PLEKHA6: variants seen among roughly 807,000 people sequenced by gnomAD.
PLEKHA6 encodes the protein pleckstrin homology domain containing A6.
PLEKHA6 carries 60 observed loss-of-function variants against 116.7 expected under a neutral mutation model. That is an observed-to-expected ratio of 0.51 (90% CI 0.42 to 0.64). The LOEUF is 0.64. Ranked by LOEUF, PLEKHA6 falls within the 30% of genes least tolerant of loss-of-function variation. PLEKHA6 has a pLI of 0.00. For synonymous variants in PLEKHA6, 489 were observed against 556.1 expected, an observed-to-expected ratio of 0.88 and a Z score of 1.70; for missense variants, 1,338 against 1,422.7, an observed-to-expected ratio of 0.94 and a Z score of 0.96.
chr1:204,348,556 C>T (rs985802845), intron 1 of PLEKHA6, among the ~76,000 whole-genome samples: 6 of 152,194 alleles, frequency 3.9e-5, no homozygotes, highest in South Asian at 2.1e-4. Context: ...TGGAACCGAG[C>T]AGTGTGGATT....
At position 204,228,191 on chromosome 1, in the gene PLEKHA6, C is replaced by T. The variant is rs781775382; in HGVS notation, c.2923G>A (p.Val975Met). ...CTCTCTGAGTCCTGGGGCACGTCCA[C>T]AGAGTCCCCCTCGCCGATGGGCACC... ...NVVPIGEGDS[V>M]DVPQDSESQL... Residue 975 changes from valine (V) to methionine (M), a missense_variant, in exon 21 of 23, where the codon GTG becomes ATG. Around this residue, in one of 3 missense-constraint regions of PLEKHA6, gnomAD observed 1,136 missense variants for 1,163.6 expected, o/e 0.98. Coordinates refer to ENST00000272203, the MANE Select transcript of PLEKHA6 (RefSeq NM_014935.5). The surrounding 1 kb of genome is among the most constrained non-coding windows in gnomAD (Gnocchi z 4.0). 9 of 1,611,546 alleles carry T rather than the reference C, an allele frequency of 5.6e-6. No individual in the cohort carries two copies. Among genetic ancestry groups the T allele is most frequent in the Non-Finnish European group, 7.6e-6 (9 of 1,178,372 alleles).
chr1:204,306,202 C>T (rs1671286841), intron 1 of PLEKHA6, among the ~76,000 whole-genome samples: 1 of 152,196 alleles, frequency 6.6e-6, no homozygotes, highest in Admixed American at 6.5e-5. Flanking sequence ...CCCATTGAGT[C>T]TGGGCCACCC....
At chr1:204,287,752 A>G (rs547128650) in intron 1 of PLEKHA6, among the ~76,000 whole-genome samples, 78 of 152,270 alleles carry the variant, frequency 5.1e-4, no homozygotes, top group African/African-American at 1.9e-3. Context: ...GCTTCTGACC[A>G]GAGCTACCGA....
intron 1 of PLEKHA6, among the ~76,000 whole-genome samples, chr1:204,358,578 C>A (rs1673478915): frequency 6.6e-6 from 1 of 152,200 alleles, no homozygotes; most frequent in African/African-American, 2.4e-5. Context: ...CCTGCCCCAC[C>A]ATGCAGGAGA....
At chr1:204,230,331 G>T in intron 18 of PLEKHA6, 82 bp downstream of exon 18, 2 of 1,186,272 alleles carry the variant, frequency 1.7e-6, no homozygotes, top group Non-Finnish European at 2.3e-6. Context: ...AAACCCCCCA[G>T]GCCCAAGCTG....
In PLEKHA6 at chr1:204,306,547, T is replaced by C. The variant is rs1671327420; in HGVS notation, c.-94-31738A>G. Reference sequence around the variant, plus strand: ...AAGTGCTCCTGCCACTTGCCCCTCATAGCTTTGATCCCTTGGGTTGGTTCA... The same window carrying C: ...AAGTGCTCCTGCCACTTGCCCCTCACAGCTTTGATCCCTTGGGTTGGTTCA... On this transcript the variant is annotated intron_variant, in intron 1 of 22. Transcript: ENST00000272203. 3.3e-5 allele frequency among the ~76,000 whole-genome samples: 5 copies of C among 152,364 alleles called. 1 individual carries two copies. The South Asian group carries it at 1.0e-3, about 32-fold the overall frequency.
At chr1:204,260,093 C>T (rs546479284) in intron 7 of PLEKHA6, among the ~76,000 whole-genome samples, 4 of 152,286 alleles carry the variant, frequency 2.6e-5, no homozygotes, top group Admixed American at 2.0e-4. Flanking sequence ...GTCCTCTCTG[C>T]GATCTATCCC....
chr1:204,358,425 C>A (rs1572229060), intron 1 of PLEKHA6, among the ~76,000 whole-genome samples: 1 of 152,218 alleles, frequency 6.6e-6, no homozygotes, highest in Non-Finnish European at 1.5e-5. Context: ...CTGAACCGTC[C>A]TAGCCACAGG....
At chr1:204,349,498 G>A (rs904388093) in intron 1 of PLEKHA6, among the ~76,000 whole-genome samples, 16 of 140,602 alleles carry the variant, frequency 1.1e-4, no homozygotes, top group Non-Finnish European at 2.4e-4. Flanking sequence ...CCAAGATCAC[G>A]CCACTGCGCT....
At chr1:204,235,332 C>T (rs966032963) in intron 17 of PLEKHA6, among the ~76,000 whole-genome samples, 1 of 152,064 alleles carries the variant, frequency 6.6e-6, no homozygotes, top group Non-Finnish European at 1.5e-5. Context: ...TTAGTGACTA[C>T]ATAATACCTT....
chr1:204,285,420 G>A (rs375725280), intron 1 of PLEKHA6, among the ~76,000 whole-genome samples: 2,689 of 151,662 alleles, frequency 0.018, 79 homozygotes, highest in African/African-American at 0.061. Flanking sequence ...CATTGTTTTC[G>A]TTTTTTTGGG....
intron 14 of PLEKHA6, 23 bp downstream of exon 14, chr1:204,245,581 GGCAGCCTAGGA>G: frequency 7.7e-7 from 1 of 1,290,566 alleles, no homozygotes; most frequent in Non-Finnish European, 1.1e-6. Flanking sequence ...TGGTGAGGCA[GGCAGCCTAGGA>G]GGCTGGCACA....
chr1:204,262,241 G>A (rs966975229), intron 6 of PLEKHA6: 8 of 152,388 alleles, frequency 5.2e-5, no homozygotes, highest in Non-Finnish European at 8.8e-5. Flanking sequence ...GCTTGCACCA[G>A]GGAAATTCAG....
At chr1:204,337,417 A>C (rs1327505145) in intron 1 of PLEKHA6, among the ~76,000 whole-genome samples, 4 of 152,100 alleles carry the variant, frequency 2.6e-5, no homozygotes, top group Non-Finnish European at 4.4e-5. Flanking sequence ...ATCCTAACTC[A>C]CCCGGCGAGA....
intron 1 of PLEKHA6, among the ~76,000 whole-genome samples, chr1:204,339,454 A>T (rs562366496): frequency 3.3e-5 from 5 of 152,336 alleles, no homozygotes; most frequent in Admixed American, 3.3e-4. Flanking sequence ...TGGGGCAAGG[A>T]TCATACTCAA....
chr1:204,262,349 T>C (rs542723005), intron 6 of PLEKHA6, among the ~76,000 whole-genome samples: 65 of 152,290 alleles, frequency 4.3e-4, no homozygotes, highest in Non-Finnish European at 7.6e-4. Context: ...TTTGCTCTGG[T>C]CTTCACTGAT....
chr1:204,243,714 T>C (rs1663183220), intron 15 of PLEKHA6, among the ~76,000 whole-genome samples: 1 of 152,262 alleles, frequency 6.6e-6, no homozygotes, highest in Admixed American at 6.5e-5. Context: ...TTGAGACATA[T>C]GCCGTCATGT....
intron 1 of PLEKHA6, among the ~76,000 whole-genome samples, chr1:204,283,999 A>G (rs1668911402): frequency 1.3e-5 from 2 of 152,124 alleles, no homozygotes; most frequent in Non-Finnish European, 1.5e-5. Flanking sequence ...TGCCTGGAGG[A>G]GGGGGCACGT....
intron 1 of PLEKHA6, among the ~76,000 whole-genome samples, chr1:204,333,895 C>T (rs760770115): frequency 6.6e-6 from 1 of 152,204 alleles, no homozygotes; most frequent in Non-Finnish European, 1.5e-5. Flanking sequence ...AAACAAAAAA[C>T]GTCCATTCTT....
Sources: allele counts gnomAD v4.1 joint callset (sites outside exome capture counted in the v4.1 genomes callset), GRCh38; gene constraint gnomAD v4.1.1; regional missense constraint gnomAD v4.1.1; non-coding constraint Gnocchi (gnomAD v3.1); transcripts MANE v1.5; gene names NCBI Gene and HGNC (gene_info 2026-07-23, HGNC 2026-07-21).